The following SPART variants were observed in gnomAD, a reference collection of about 807,000 sequenced individuals.
The protein encoded by SPART is spartin.
SPART carries 35 observed loss-of-function variants against 58.7 expected under a neutral mutation model. The ratio of observed to expected loss-of-function variants is 0.60; its 90% confidence interval spans 0.46 to 0.79. The LOEUF (loss-of-function observed/expected upper bound fraction) is 0.79, where lower values mean the gene tolerates loss of function less well. Ranked by LOEUF, SPART falls within the 30% of genes least tolerant of loss-of-function variation. The pLI, the probability that SPART is intolerant of heterozygous loss-of-function variation, is 0.00. For synonymous variants in SPART, 284 were observed against 280.7 expected, an observed-to-expected ratio of 1.01 and a Z score of -0.12; for missense variants, 730 against 786.1, an observed-to-expected ratio of 0.93 and a Z score of 0.85.
chr13:36,319,085 T>C (rs1882069097), intron 5 of SPART, among the ~76,000 whole-genome samples: 1 of 152,022 alleles, frequency 6.6e-6, no homozygotes, highest in East Asian at 1.9e-4. Context: ...CCATAACTGT[T>C]GTGGGTATTG....
Position 36,304,197 on chromosome 13 carries a change from CT to C in SPART, c.*167del. 1 of 756,478 alleles carries C rather than the reference CT, an allele frequency of 1.3e-6. No individual in the cohort carries two copies. Among genetic ancestry groups the C allele is most frequent in the Admixed American group, 2.6e-5 (1 of 38,994 alleles). The allele number at this position is 756,478 out of a possible 1,614,324, so 46.9% of individuals were successfully genotyped here. On this transcript the variant is annotated 3_prime_UTR_variant, in exon 9 of 9. Coordinates refer to ENST00000438666, the MANE Select transcript of SPART (RefSeq NM_015087.5). Reference sequence around the variant, plus strand: ...AAGGCCAGATGCAAGAATACTTATTCTTTTCCTTTTAAATAGAAGACATGCC... The same window carrying C: ...AAGGCCAGATGCAAGAATACTTATTCTTTCCTTTTAAATAGAAGACATGCC...
chr13:36,332,991 A>G (rs573001135), intron 2 of SPART, among the ~76,000 whole-genome samples: 4 of 152,258 alleles, frequency 2.6e-5, no homozygotes, highest in African/African-American at 9.6e-5. Context: ...ATTCTAAAAT[A>G]AAACTTAGGA....
chr13:36,322,445 T>TCAAAA (rs540193112), intron 5 of SPART, among the ~76,000 whole-genome samples: 22 of 152,064 alleles, frequency 1.4e-4, no homozygotes, highest in African/African-American at 4.1e-4. Flanking sequence ...AGACTCTGTC[T>TCAAAA]CAAAACAAAA....
At chr13:36,322,896 G>A (rs571226202) in intron 5 of SPART, among the ~76,000 whole-genome samples, 83 of 152,310 alleles carry the variant, frequency 5.4e-4, no homozygotes, top group African/African-American at 1.9e-3. Flanking sequence ...CTGGAAGACT[G>A]TACTAGGCCA....
chr13:36,311,669 T>C (rs1881119832), intron 8 of SPART, among the ~76,000 whole-genome samples: 1 of 152,186 alleles, frequency 6.6e-6, no homozygotes, highest in Non-Finnish European at 1.5e-5. Context: ...GTGACAAGAA[T>C]TCTGTTATTA....
At chr13:36,351,773 T>C (rs1664825088) in intron 1 of SPART, among the ~76,000 whole-genome samples, 1 of 152,234 alleles carries the variant, frequency 6.6e-6, no homozygotes, top group Non-Finnish European at 1.5e-5. Context: ...TCATAAATTA[T>C]GCTAGATTCA....
At chr13:36,308,628 G>A (rs1880749835) in intron 8 of SPART, among the ~76,000 whole-genome samples, 1 of 104,990 alleles carries the variant, frequency 9.5e-6, no homozygotes, top group African/African-American at 3.6e-5. Context: ...GCTAATTGTA[G>A]TTAGGTAAGT....
intron 4 of SPART, among the ~76,000 whole-genome samples, chr13:36,328,186 A>G (rs1458951021): frequency 1.3e-5 from 2 of 152,214 alleles, no homozygotes; most frequent in Non-Finnish European, 2.9e-5. Context: ...GTATCCTCAT[A>G]TAGCTGGTCT....
chr13:36,335,764 CCTT>C lies in SPART; in HGVS notation c.64_66del (p.Lys22del). ...AGACCTTTGTTAACAAATAAAAAGG[CCTT>C]CTTATATGCTTCTCTGATGATCTTA... On this transcript the variant is annotated inframe_deletion, in exon 2 of 9. Coordinates refer to ENST00000438666, the MANE Select transcript of SPART (RefSeq NM_015087.5). The C allele has an allele frequency of 1.9e-6, 3 of 1,613,924 alleles. No individual in the cohort carries two copies. Among genetic ancestry groups the C allele is most frequent in the South Asian group, 1.1e-5 (1 of 91,066 alleles).
chr13:36,316,289 C>A (rs969107526), intron 5 of SPART, among the ~76,000 whole-genome samples: 1 of 152,234 alleles, frequency 6.6e-6, no homozygotes, highest in African/African-American at 2.4e-5. Flanking sequence ...ACAGAAGTCA[C>A]TGACCAGGTG....
intron 6 of SPART, 168 bp downstream of exon 6, chr13:36,314,059 G>GATGTTGCTGGTCC: frequency 1.5e-6 from 1 of 663,808 alleles, no homozygotes; most frequent in Non-Finnish European, 2.5e-6. Context: ...AGGACGATGT[G>GATGTTGCTGGTCC]ATGTTGCTGG....
At chr13:36,329,864 T>C (rs1435977611) in intron 3 of SPART, among the ~76,000 whole-genome samples, 1 of 152,206 alleles carries the variant, frequency 6.6e-6, no homozygotes, top group African/African-American at 2.4e-5. Context: ...CAAGAGAAAG[T>C]GAATTTAAAG....
chr13:36,343,165 TAACTC>T (rs1884741788), intron 1 of SPART, among the ~76,000 whole-genome samples: 2 of 152,208 alleles, frequency 1.3e-5, no homozygotes, highest in African/African-American at 2.4e-5. Flanking sequence ...CTATTTATAA[TAACTC>T]AACCCAAAAG....
upstream of SPART, among the ~76,000 whole-genome samples, chr13:36,351,196 G>A (rs1885394918): frequency 6.6e-6 from 1 of 152,022 alleles, no homozygotes; most frequent in Admixed American, 6.6e-5. Context: ...CAAGCCAGGT[G>A]CAGCAGCTCA....
chr13:36,309,112 C>T (rs923493974), intron 8 of SPART, among the ~76,000 whole-genome samples: 2 of 151,860 alleles, frequency 1.3e-5, no homozygotes, highest in African/African-American at 2.4e-5. Context: ...GTCATGGTGG[C>T]GGACACCTGT....
rs751799377 is a variant in SPART at position 36,304,541 on chromosome 13, T to C, written c.1825A>G (p.Ile609Val). 2 of 1,614,132 alleles carry C rather than the reference T, an allele frequency of 1.2e-6. No individual in the cohort carries two copies. Among genetic ancestry groups the C allele is most frequent in the South Asian group, 1.1e-5 (1 of 91,086 alleles). Residue 609 changes from isoleucine (I) to valine (V), a missense_variant, in exon 9 of 9, where the codon ATC becomes GTC. By Grantham distance (29) the Ile-to-Val change is conservative. Transcript: ENST00000438666. ...GCAGTTTTCTTCACCATTGCTTTGA[T>C]ACCAATGTTGTTAATATTGTAGGCA... ...VTAYNINNIG[I>V]KAMVKKTATQ...
chr13:36,325,093 C>A (rs7998522), intron 5 of SPART, among the ~76,000 whole-genome samples: 1 of 151,876 alleles, frequency 6.6e-6, no homozygotes, highest in Non-Finnish European at 1.5e-5. Context: ...CAAGTCACCG[C>A]GGATGTGATG....
At chr13:36,353,502 T>C (rs1165883374) in intron 1 of SPART, among the ~76,000 whole-genome samples, 2 of 152,100 alleles carry the variant, frequency 1.3e-5, no homozygotes, top group Admixed American at 6.6e-5. Flanking sequence ...ACACACACCA[T>C]GGGGAGTTAG....
intron 1 of SPART, among the ~76,000 whole-genome samples, chr13:36,354,235 G>A (rs920591117): frequency 6.6e-6 from 1 of 152,170 alleles, no homozygotes; most frequent in African/African-American, 2.4e-5. Flanking sequence ...ATCATAAGAT[G>A]TTCTACCATG....
Sources: allele counts gnomAD v4.1 joint callset (sites outside exome capture counted in the v4.1 genomes callset), GRCh38; gene constraint gnomAD v4.1.1; transcripts MANE v1.5; gene names NCBI Gene and HGNC (gene_info 2026-07-23, HGNC 2026-07-21).